CDK15: variants seen among roughly 807,000 people sequenced by gnomAD.
CDK15 encodes cyclin-dependent kinase 15.
In CDK15, 62 loss-of-function variants were observed where a neutral mutation model predicts 60.3. That is an observed-to-expected ratio of 1.03 (90% CI 0.84 to 1.27). The LOEUF is 1.27. CDK15 is among the 50% of genes most tolerant of loss of function. CDK15 has a pLI of 0.00. For synonymous variants in CDK15, 194 were observed against 195.7 expected, an observed-to-expected ratio of 0.99 and a Z score of 0.07; for missense variants, 541 against 527.8, an observed-to-expected ratio of 1.03 and a Z score of -0.25.
chr2:201,882,191 G>A lies in CDK15; in HGVS notation c.1198+2024G>A, dbSNP rs967970701. Reference sequence around the variant, plus strand: ...TGTGTGTGTATGTGTGTATATGTGTGTGTGCGTATGTGTGTGTGTGTGTGT... The same window carrying A: ...TGTGTGTGTATGTGTGTATATGTGTATGTGCGTATGTGTGTGTGTGTGTGT... On this transcript the variant is annotated intron_variant, in intron 12 of 13. Transcript: ENST00000652192. The surrounding 1 kb of genome is among the most constrained non-coding windows in gnomAD (Gnocchi z 4.0). 4.0e-5 allele frequency among the ~76,000 whole-genome samples: 6 copies of A among 151,554 alleles called. No individual in the cohort carries two copies. The highest frequency in any genetic ancestry group is 4.1e-4 in the South Asian group (2 of 4,830).
intron 10 of CDK15, among the ~76,000 whole-genome samples, chr2:201,871,541 A>T (rs951723626): frequency 6.6e-6 from 1 of 151,812 alleles, no homozygotes; most frequent in Non-Finnish European, 1.5e-5. Context: ...GTTCTCCCAA[A>T]TGAATTGTAA....
At chr2:201,809,858 C>T (rs1036534735) in intron 3 of CDK15, among the ~76,000 whole-genome samples, 69 of 152,186 alleles carry the variant, frequency 4.5e-4, no homozygotes, top group Non-Finnish European at 5.3e-4. Flanking sequence ...AGCTGCCTTC[C>T]ACTGTTCATG....
chr2:201,860,672 AT>A (rs1360300426), intron 10 of CDK15: 1 of 1,346,708 alleles, frequency 7.4e-7, no homozygotes, highest in Non-Finnish European at 9.8e-7. Flanking sequence ...CAGATGTACC[AT>A]AAGCGACAGG....
intron 4 of CDK15, among the ~76,000 whole-genome samples, chr2:201,818,919 G>C (rs1162770805): frequency 6.6e-6 from 1 of 152,012 alleles, no homozygotes; most frequent in Non-Finnish European, 1.5e-5. Flanking sequence ...TATTTATTGA[G>C]TGCCAGACAT....
chr2:201,879,269 T>C lies in CDK15; in HGVS notation c.1059-759T>C, dbSNP rs1699187711. Among the ~76,000 whole-genome samples the C allele has an allele frequency of 2.0e-5, 3 of 152,302 alleles. No individual in the cohort carries two copies. In the South Asian group the frequency reaches 6.2e-4, roughly 32 times the overall value. On this transcript the variant is annotated intron_variant, in intron 11 of 13. Transcript: ENST00000652192. ...GAGCTTCAGAAATGCTGCAAACAAG[T>C]GTATTTTCTACCCAAGCTTCACCCT...
chr2:201,854,717 A>G (rs1698068935), intron 9 of CDK15, 157 bp from the exon 10 acceptor site: 1 of 622,230 alleles, frequency 1.6e-6, no homozygotes, highest in Non-Finnish European at 2.8e-6. Context: ...GAAACACTCA[A>G]GTTTCTTTCT....
At chr2:201,826,043 A>G (rs946780096) in intron 6 of CDK15, among the ~76,000 whole-genome samples, 5 of 152,260 alleles carry the variant, frequency 3.3e-5, no homozygotes, top group Admixed American at 6.5e-5. Flanking sequence ...ACTTACAGCC[A>G]AAAACAAGAG....
intron 3 of CDK15, among the ~76,000 whole-genome samples, chr2:201,812,173 C>CAAAAAAAAAAA (rs56808760): frequency 1.0e-5 from 1 of 96,814 alleles, no homozygotes. Flanking sequence ...GATTCTGTCT[C>CAAAAAAAAAAA]AAAAAAAAAA....
At chr2:201,891,221 C>A (rs538060793) in intron 13 of CDK15, among the ~76,000 whole-genome samples, 1 of 152,102 alleles carries the variant, frequency 6.6e-6, no homozygotes, top group South Asian at 2.1e-4. Context: ...ACAGGTGGGA[C>A]GAAGGGAGGC....
At chr2:201,865,051 G>A (rs927424245) in intron 10 of CDK15, among the ~76,000 whole-genome samples, 1 of 152,082 alleles carries the variant, frequency 6.6e-6, no homozygotes, top group African/African-American at 2.4e-5. Flanking sequence ...AGCCAGAGGA[G>A]CTAAAGGAGA....
At chr2:201,837,461 A>C (rs1181481933) in intron 8 of CDK15, among the ~76,000 whole-genome samples, 4 of 36,520 alleles carry the variant, frequency 1.1e-4, no homozygotes, top group African/African-American at 3.2e-4. Context: ...GAAGGAAGGA[A>C]GGAAGGAAGG....
intron 10 of CDK15, among the ~76,000 whole-genome samples, chr2:201,855,663 T>A (rs1698113202): frequency 6.6e-6 from 1 of 152,064 alleles, no homozygotes; most frequent in East Asian, 1.9e-4. Flanking sequence ...ATAAAGCCCA[T>A]GCCAAAGCTG....
At chr2:201,874,949 G>A (rs1197071907) in intron 11 of CDK15, among the ~76,000 whole-genome samples, 1 of 152,174 alleles carries the variant, frequency 6.6e-6, no homozygotes, top group Non-Finnish European at 1.5e-5. Context: ...TGACCAGCCT[G>A]TCCTGCACCT....
At position 201,836,210 on chromosome 2, in the gene CDK15, T is replaced by TGTA. The variant is rs1403407583; in HGVS notation, c.851+447_851+448insGTA. On this transcript the variant is annotated intron_variant, in intron 8 of 13. Transcript: ENST00000652192. ...ATTTTTTTATATATATATATATGTA[T>TGTA]TTTTTTTTTTTGAGATGGAGTCTCA... is the stretch of plus-strand genomic sequence containing the variant. 1.6e-4 allele frequency among the ~76,000 whole-genome samples: 20 copies of TGTA among 128,024 alleles called. No individual in the cohort carries two copies. The South Asian group carries it at 1.6e-3, about 10-fold the overall frequency. 84.0% of individuals were successfully genotyped at this position (128,024 alleles called of 152,430 possible). A position where few individuals can be genotyped will look rare whatever the true frequency, so the allele number is the denominator to read the frequency against.
chr2:201,833,716 C>CTTCTTCTTT (rs111614334), intron 6 of CDK15, 132 bp from the exon 7 acceptor site: 46 of 170,994 alleles, frequency 2.7e-4, no homozygotes, highest in African/African-American at 1.3e-3. Flanking sequence ...TCTTCTTCTT[C>CTTCTTCTTT]TTTTTTTTTT....
intron 4 of CDK15, among the ~76,000 whole-genome samples, chr2:201,820,908 A>T (rs2105706360): frequency 6.6e-6 from 1 of 152,320 alleles, no homozygotes; most frequent in South Asian, 2.1e-4. Context: ...TACAGCAAAT[A>T]AGGTTAACAG....
At chr2:201,835,815 T>G in intron 8 of CDK15, 52 bp downstream of exon 8, 8 of 1,368,116 alleles carry the variant, frequency 5.8e-6, no homozygotes, top group Non-Finnish European at 7.7e-6. Flanking sequence ...AGGGTTGCTT[T>G]ATCATCTACA....
chr2:201,873,201 T>C (rs975952084), intron 11 of CDK15, among the ~76,000 whole-genome samples: 5 of 152,196 alleles, frequency 3.3e-5, no homozygotes, highest in African/African-American at 9.7e-5. Flanking sequence ...GAATAAAATA[T>C]CAGGGTACAA....
At chr2:201,852,150 C>A (rs1396699596) in intron 9 of CDK15, among the ~76,000 whole-genome samples, 1 of 152,166 alleles carries the variant, frequency 6.6e-6, no homozygotes, top group East Asian at 1.9e-4. Context: ...TCTATTTTCA[C>A]ATTTGTTGCC....
Sources: allele counts gnomAD v4.1 joint callset (sites outside exome capture counted in the v4.1 genomes callset), GRCh38; gene constraint gnomAD v4.1.1; non-coding constraint Gnocchi (gnomAD v3.1); transcripts MANE v1.5; gene names NCBI Gene and HGNC (gene_info 2026-07-23, HGNC 2026-07-21).